Variants in SHROOM2 observed in about 807,000 individuals in gnomAD.
SHROOM2 encodes the protein shroom family member 2.
A neutral mutation model predicts 75.9 loss-of-function variants in SHROOM2; 33 were observed. The ratio of observed to expected loss-of-function variants is 0.43; its 90% CI spans 0.33 to 0.58. SHROOM2 has a LOEUF of 0.58. Ranked by LOEUF, SHROOM2 falls within the 20% of genes least tolerant of loss-of-function variation. SHROOM2 has a pLI of 0.04. For synonymous variants in SHROOM2, 655 were observed against 663.6 expected (o/e 0.99, Z 0.20); for missense variants, 1,434 against 1,461.2 (o/e 0.98, Z 0.30).
intron 6 of SHROOM2, 109 bp downstream of exon 6, chrX:9,932,979 C>T (rs1048519366): frequency 1.6e-6 from 1 of 624,791 alleles, no homozygotes; most frequent in Non-Finnish European, 2.4e-6. Flanking sequence ...TAGCTCAAGG[C>T]GTTGGACTTA....
At chrX:9,927,020 A>C (rs2084600715) in intron 5 of SHROOM2, among the ~76,000 whole-genome samples, 1 of 110,854 alleles carries the variant, frequency 9.0e-6, no homozygotes, top group Non-Finnish European at 1.9e-5. Context: ...GTGTCTGCAA[A>C]TCAGAATGCA....
At position 9,908,944 on chromosome X, in the gene SHROOM2, A is replaced by AAAAT. The variant is rs57235803; in HGVS notation, c.2891+10682_2891+10685dup. Among the ~76,000 whole-genome samples, 1,014 of 102,984 alleles carry AAAAT rather than the reference A, an allele frequency of 9.8e-3. 12 individuals carry two copies. Among genetic ancestry groups the AAAAT allele is most frequent in the South Asian group, 0.034 (76 of 2,267 alleles). The allele number at this position is 102,984 out of a possible 115,157, so 89.4% of individuals were successfully genotyped here. A position where few individuals can be genotyped will look rare whatever the true frequency, so the allele number is the denominator to read the frequency against. On this transcript the variant is annotated intron_variant, in intron 5 of 9. Transcript: ENST00000380913. The stretch of plus-strand genomic sequence containing the variant: ...TGGGTGACAGTGAGACCCTCTCTCA[A>AAAAT]AAATAAATAAATAAATAAATAAATA...
intron 1 of SHROOM2, among the ~76,000 whole-genome samples, chrX:9,834,451 C>T (rs780577934): frequency 1.8e-5 from 2 of 111,990 alleles, no homozygotes; most frequent in Admixed American, 9.4e-5. Context: ...GCAGAGCTCC[C>T]TCCAAAACAG....
rs747658354 is a variant in SHROOM2 at position 9,896,209 on chromosome X, G to A, written c.2301G>A (p.Glu767=). 7.4e-6 allele frequency: 9 copies of A among 1,210,398 alleles called. No individual in the cohort carries two copies. The Admixed American group carries it at 2.0e-4, about 26-fold the overall frequency. Reference sequence around the variant, plus strand: ...AATTGAAGTCCTACTCGGAACCTGAGAAGATGAACGAGGTGGGCCTCACGA... The same window carrying A: ...AATTGAAGTCCTACTCGGAACCTGAAAAGATGAACGAGGTGGGCCTCACGA... ...EQKLKSYSEP[E]KMNEVGLTRG... Residue 767 remains glutamate, a synonymous_variant, in exon 4 of 10, where the codon GAG becomes GAA. Coordinates refer to ENST00000380913, the MANE Select transcript of SHROOM2 (RefSeq NM_001649.4).
chrX:9,842,074 C>T (rs1447452843), intron 1 of SHROOM2, among the ~76,000 whole-genome samples: 1 of 110,979 alleles, frequency 9.0e-6, no homozygotes, highest in Non-Finnish European at 1.9e-5. Context: ...TAAAAACATC[C>T]TAATGATGTG....
At chrX:9,941,946 G>A (rs2084774760) in intron 8 of SHROOM2, among the ~76,000 whole-genome samples, 1 of 97,344 alleles carries the variant, frequency 1.0e-5, no homozygotes, top group African/African-American at 3.9e-5. Flanking sequence ...ACTCCAGCCT[G>A]GGTGGCAGAG....
rs975941005 is a variant in SHROOM2, at chrX:9,946,783, A to C, written c.4697A>C (p.Tyr1566Ser). Residue 1566 changes from tyrosine (Y) to serine (S), a missense_variant, in exon 10 of 10, where the codon TAT (tyrosine) becomes TCT (serine). Around this residue, in one of 3 missense-constraint regions of SHROOM2, gnomAD observed 80 missense variants for 88.4 expected, o/e 0.90. Transcript: ENST00000380913. ...ATCGTCTTTGACATTTTGGCCAACT[A>C]TCTGAGCGAGGAGAGCCTCGCGGAC... Reference protein sequence around the residue: ...ERIVFDILANYLSEESLADYE... With the variant: ...ERIVFDILANSLSEESLADYE... 7 of 1,203,964 alleles carry C rather than the reference A, an allele frequency of 5.8e-6. No individual in the cohort carries two copies. The highest frequency in any genetic ancestry group is 1.8e-5 in the South Asian group (1 of 55,546).
At chrX:9,814,215 A>G (rs747323898) in intron 1 of SHROOM2, among the ~76,000 whole-genome samples, 2 of 111,413 alleles carry the variant, frequency 1.8e-5, no homozygotes, top group African/African-American at 6.5e-5. Context: ...CCAGTGGGCC[A>G]TCTTTTAATC....
At chrX:9,825,939 C>T (rs1169490142) in intron 1 of SHROOM2, among the ~76,000 whole-genome samples, 2 of 112,377 alleles carry the variant, frequency 1.8e-5, no homozygotes, top group Admixed American at 9.4e-5. Context: ...GACACACAAC[C>T]GTGTGTGTTC....
intron 1 of SHROOM2, among the ~76,000 whole-genome samples, chrX:9,870,727 G>A (rs1318893283): frequency 1.8e-5 from 2 of 111,751 alleles, no homozygotes; most frequent in Non-Finnish European, 3.8e-5. Context: ...TATCTCTCTT[G>A]GAAGAAAGAA....
intron 5 of SHROOM2, among the ~76,000 whole-genome samples, chrX:9,914,067 GC>G (rs1306327763): frequency 4.5e-5 from 1 of 22,171 alleles, no homozygotes; most frequent in Admixed American, 5.0e-4. Context: ...CCACCCCCCT[GC>G]CCCCCCGCCC....
rs2084311883 is a variant in SHROOM2 at position 9,894,454 on chromosome X, C to T, written c.546C>T (p.Asp182=). The change falls in exon 4 of 10, where the codon GAC becomes GAT. Residue 182 remains aspartate (D), a synonymous_variant. Coordinates refer to ENST00000380913, the MANE Select transcript of SHROOM2 (RefSeq NM_001649.4). The part of the protein sequence containing the change: ...FSSLGSVDSL[D]HPSSRLSVAK... ...CCTTGGGGAGCGTTGACAGCCTGGA[C>T]CACCCCTCCAGTCGCCTCTCGGTGG... 1 of 1,209,000 alleles carries T rather than the reference C, an allele frequency of 8.3e-7. No homozygotes were observed. The highest frequency in any genetic ancestry group is 1.1e-6 in the Non-Finnish European group (1 of 894,891).
chrX:9,855,156 TG>T (rs1429271720), intron 1 of SHROOM2, among the ~76,000 whole-genome samples: 2 of 106,043 alleles, frequency 1.9e-5, no homozygotes, highest in African/African-American at 6.9e-5. Context: ...GTCGGGGAGT[TG>T]GGGGTAGAGG....
intron 5 of SHROOM2, among the ~76,000 whole-genome samples, chrX:9,916,423 A>G (rs2084491313): frequency 8.9e-6 from 1 of 112,161 alleles, no homozygotes; most frequent in South Asian, 3.7e-4. Context: ...ACTGCAGCAG[A>G]TATCTGTAGT....
In SHROOM2 at chrX:9,937,508, G is replaced by C; in HGVS notation, c.3962G>C (p.Arg1321Thr). The C allele has an allele frequency of 1.7e-6, 2 of 1,211,743 alleles. No homozygotes were observed. The highest frequency in any genetic ancestry group is 2.2e-6 in the Non-Finnish European group (2 of 895,534). The change falls in exon 7 of 10, where the codon AGG (arginine) becomes ACG (threonine). Residue 1321 changes from arginine (R) to threonine (T), a missense_variant. Arg to Thr is a moderately conservative substitution (Grantham distance 71, BLOSUM62 -1). Coordinates refer to ENST00000380913, the MANE Select transcript of SHROOM2 (RefSeq NM_001649.4). Reference sequence around the variant, plus strand: ...GACCTGAAGTCGGAGGAGCTGGCCAGGGAGATCGTGGGGAAGGATAAGTCC... The same window carrying C: ...GACCTGAAGTCGGAGGAGCTGGCCACGGAGATCGTGGGGAAGGATAAGTCC... ...VEDLKSEELA[R>T]EIVGKDKSLA...
chrX:9,845,002 G>A lies in SHROOM2; in HGVS notation c.166-28650G>A, dbSNP rs1239397610. Reference sequence around the variant, plus strand: ...GTTAAAGTATTTCTCTAGCGTGGGAGTTGGCAAGTGTCTTCTGTTAGGAGC... The same window carrying A: ...GTTAAAGTATTTCTCTAGCGTGGGAATTGGCAAGTGTCTTCTGTTAGGAGC... On this transcript the variant is annotated intron_variant, in intron 1 of 9. Transcript: ENST00000380913. Among the ~76,000 whole-genome samples, 4 of 110,862 alleles carry A rather than the reference G, an allele frequency of 3.6e-5. 1 individual carries two copies. Among genetic ancestry groups the A allele is most frequent in the Non-Finnish European group, 7.5e-5 (4 of 53,027 alleles).
chrX:9,793,945 G>A (rs570019935), intron 1 of SHROOM2, among the ~76,000 whole-genome samples: 6 of 110,288 alleles, frequency 5.4e-5, no homozygotes, highest in African/African-American at 2.0e-4. Context: ...GGGTTTCACC[G>A]TATTGCTTGG....
intron 2 of SHROOM2, among the ~76,000 whole-genome samples, chrX:9,882,385 T>G (rs1484835484): frequency 9.0e-6 from 1 of 111,188 alleles, no homozygotes; most frequent in African/African-American, 3.3e-5. Context: ...GCCAGGAAAT[T>G]GTGTGGGTGC....
In SHROOM2 at chrX:9,895,750, C is replaced by G; in HGVS notation, c.1842C>G (p.Ala614=). ...CCACCAGACCGCCACCGTTCGACGC[C>G]CACGTGGGCAAGCCCACCCGAAGAA... ...DSATRPPPFD[A]HVGKPTRRSD... Residue 614 remains alanine (A), a synonymous_variant, in exon 4 of 10, where the codon GCC becomes GCG. Coordinates refer to ENST00000380913, the MANE Select transcript of SHROOM2 (RefSeq NM_001649.4). 1 of 1,201,186 alleles carries G rather than the reference C, an allele frequency of 8.3e-7. No homozygotes were observed. The highest frequency in any genetic ancestry group is 1.1e-6 in the Non-Finnish European group (1 of 890,616).
Sources: gnomAD v4.1 joint callset for allele counts (sites outside exome capture counted in the v4.1 genomes callset) on GRCh38, gnomAD v4.1.1 for gene constraint, gnomAD v4.1.1 regional missense constraint, MANE v1.5 for transcripts, NCBI Gene and HGNC (gene_info 2026-07-23, HGNC 2026-07-21) for gene names.